The following UBXN2A variants were observed in gnomAD, a reference collection of about 807,000 sequenced individuals.
UBXN2A encodes UBX domain protein 2A, also known as UBX domain-containing protein 2A.
Under a neutral mutation model 28.4 loss-of-function variants are expected in UBXN2A, and 28 were observed. The observed-to-expected ratio is 0.99, with a 90% CI of 0.73 to 1.35. The LOEUF (loss-of-function observed/expected upper bound fraction) is 1.35. Ranked by LOEUF, UBXN2A falls within the 40% of genes most tolerant of loss-of-function variation. UBXN2A has a pLI of 0.00. For synonymous variants in UBXN2A, 97 were observed against 103.6 expected, an observed-to-expected ratio of 0.94 and a Z score of 0.39; for missense variants, 253 against 297.9, an observed-to-expected ratio of 0.85 and a Z score of 1.11.
chr2:23,993,651 C>A (rs1708430393), intron 6 of UBXN2A, among the ~76,000 whole-genome samples: 1 of 151,118 alleles, frequency 6.6e-6, no homozygotes, highest in African/African-American at 2.4e-5. Context: ...TTAGCCTGAA[C>A]AATTATGCTT....
chr2:23,928,365 C>T (rs1705208292), intron 1 of UBXN2A, among the ~76,000 whole-genome samples: 4 of 152,154 alleles, frequency 2.6e-5, no homozygotes, highest in Admixed American at 1.3e-4. Flanking sequence ...CACTTGAGGT[C>T]AGGAGTTCGA....
At chr2:23,975,719 G>C (rs1468788362) in intron 3 of UBXN2A, among the ~76,000 whole-genome samples, 1 of 152,062 alleles carries the variant, frequency 6.6e-6, no homozygotes, top group Non-Finnish European at 1.5e-5. Context: ...TCTCCCCACA[G>C]CTTCCACCTC....
chr2:23,976,598 G>A (rs575213750), intron 3 of UBXN2A, among the ~76,000 whole-genome samples: 1 of 152,278 alleles, frequency 6.6e-6, no homozygotes, highest in East Asian at 1.9e-4. Context: ...GATCTCGTGA[G>A]ACTTATTCAC....
intron 6 of UBXN2A, among the ~76,000 whole-genome samples, chr2:23,994,154 T>C (rs1708449616): frequency 6.6e-6 from 1 of 152,206 alleles, no homozygotes; most frequent in African/African-American, 2.4e-5. Context: ...ACTCTCCTAC[T>C]CAAAAATCAG....
chr2:23,958,229 G>C (rs1028202648), intron 1 of UBXN2A, 72 bp from the exon 2 acceptor site: 3 of 1,215,992 alleles, frequency 2.5e-6, no homozygotes, highest in African/African-American at 1.6e-5. Flanking sequence ...AATACTTTAG[G>C]ACTACATGGT....
chr2:23,986,491 G>A (rs1199688208), intron 6 of UBXN2A, among the ~76,000 whole-genome samples: 3 of 151,726 alleles, frequency 2.0e-5, no homozygotes, highest in East Asian at 3.9e-4. Context: ...CAATTATAGT[G>A]AAAGAATGAA....
intron 3 of UBXN2A, among the ~76,000 whole-genome samples, chr2:23,972,928 A>T (rs972225900): frequency 6.6e-6 from 1 of 152,210 alleles, no homozygotes; most frequent in African/African-American, 2.4e-5. Context: ...TATTTCTACA[A>T]TATACAGAAG....
chr2:23,986,767 C>G (rs1413482446), intron 6 of UBXN2A, among the ~76,000 whole-genome samples: 2 of 152,098 alleles, frequency 1.3e-5, no homozygotes, highest in Non-Finnish European at 2.9e-5. Flanking sequence ...GCCACCATGC[C>G]TGGCTAATTT....
intron 1 of UBXN2A, among the ~76,000 whole-genome samples, chr2:23,951,478 T>A (rs1706369373): frequency 6.9e-6 from 1 of 143,914 alleles, no homozygotes; most frequent in Non-Finnish European, 1.5e-5. Context: ...TTGTTTCATT[T>A]TGAGACAGTT....
Position 24,000,056 on chromosome 2 carries a change from T to G in UBXN2A, c.*189T>G, listed in dbSNP as rs1708684038. ...AGTAGCATATGACTGGAAACTATAT[T>G]CAGTGCACTTTCTCCAAAAGACTAC... On this transcript the variant is annotated 3_prime_UTR_variant, in exon 7 of 7. Transcript: ENST00000309033. The G allele has an allele frequency of 1.8e-6, 1 of 558,306 alleles. No homozygotes were observed. Among genetic ancestry groups the G allele is most frequent in the East Asian group, 2.9e-5 (1 of 34,206 alleles). The allele number at this position is 558,306 out of a possible 1,614,324, so 34.6% of individuals were successfully genotyped here.
intron 1 of UBXN2A, among the ~76,000 whole-genome samples, chr2:23,951,501 C>G (rs933905707): frequency 5.4e-5 from 8 of 148,010 alleles, no homozygotes; most frequent in Non-Finnish European, 8.9e-5. Flanking sequence ...GCTCTTGTCA[C>G]CCAGGCTGAA....
chr2:23,964,288 A>G (rs111248727), intron 2 of UBXN2A, among the ~76,000 whole-genome samples: 18,292 of 151,472 alleles, frequency 0.12, 1,195 homozygotes, highest in Middle Eastern at 0.21. Context: ...TCGGCTCACC[A>G]CAACCTCTGC....
chr2:23,992,765 A>G (rs1708398977), intron 6 of UBXN2A, among the ~76,000 whole-genome samples: 1 of 152,186 alleles, frequency 6.6e-6, no homozygotes, highest in Non-Finnish European at 1.5e-5. Flanking sequence ...GCCTGATATT[A>G]ATATGGTCAT....
At chr2:23,961,239 G>A (rs1418653376) in intron 2 of UBXN2A, among the ~76,000 whole-genome samples, 2 of 151,162 alleles carry the variant, frequency 1.3e-5, no homozygotes, top group Non-Finnish European at 3.0e-5. Context: ...GGGACTACAG[G>A]TGTGTGCCAC....
intron 4 of UBXN2A, among the ~76,000 whole-genome samples, chr2:23,979,589 G>GT (rs1165591533): frequency 5.3e-5 from 8 of 152,090 alleles, no homozygotes; most frequent in Non-Finnish European, 7.4e-5. Context: ...GCAACATAGA[G>GT]TTTTTTGTTA....
chr2:23,941,162 A>G (rs552989665), intron 1 of UBXN2A, among the ~76,000 whole-genome samples: 161 of 152,096 alleles, frequency 1.1e-3, no homozygotes, highest in Middle Eastern at 6.8e-3. Flanking sequence ...GCCAGTAATA[A>G]AAGAGTTTAT....
intron 6 of UBXN2A, among the ~76,000 whole-genome samples, chr2:23,994,828 T>A (rs1364460096): frequency 6.6e-6 from 1 of 152,232 alleles, no homozygotes; most frequent in Non-Finnish European, 1.5e-5. Context: ...TGGATTATGT[T>A]GATTTTATTA....
intron 1 of UBXN2A, among the ~76,000 whole-genome samples, chr2:23,957,202 T>A (rs1706669291): frequency 6.6e-6 from 1 of 151,958 alleles, no homozygotes; most frequent in Non-Finnish European, 1.5e-5. Context: ...GGCATGATGA[T>A]GACCCTCTGC....
upstream of UBXN2A, among the ~76,000 whole-genome samples, chr2:23,938,870 A>T (rs531283322): frequency 6.6e-6 from 1 of 152,334 alleles, no homozygotes; most frequent in South Asian, 2.1e-4. Context: ...GGACCAAAAA[A>T]TCGGAAGAGC....
Sources: gnomAD v4.1 joint callset for allele counts (sites outside exome capture counted in the v4.1 genomes callset) on GRCh38, gnomAD v4.1.1 for gene constraint, MANE v1.5 for transcripts, NCBI Gene and HGNC (gene_info 2026-07-23, HGNC 2026-07-21) for gene names.